The following SMG7 variants were observed in gnomAD, a reference collection of about 807,000 sequenced individuals.
The protein encoded by SMG7 is nonsense-mediated mRNA decay factor SMG7.
A neutral mutation model predicts 148.2 loss-of-function variants in SMG7; 34 were observed. The ratio of observed to expected loss-of-function variants is 0.23; its 90% confidence interval spans 0.17 to 0.31. The LOEUF is 0.31. SMG7 is among the 10% of genes least tolerant of loss of function. SMG7 has a pLI of 1.00. For missense variants in SMG7, 1,114 were observed against 1,408.4 expected, an observed-to-expected ratio of 0.79 and a Z score of 3.35; for synonymous variants, 492 against 515.1, an observed-to-expected ratio of 0.96 and a Z score of 0.61.
At chr1:183,517,112 C>G (rs1558007960) in intron 3 of SMG7, among the ~76,000 whole-genome samples, 1 of 152,134 alleles carries the variant, frequency 6.6e-6, no homozygotes, top group Non-Finnish European at 1.5e-5. Flanking sequence ...TTTGGTATGC[C>G]ATATTTCAGC....
intron 1 of SMG7, among the ~76,000 whole-genome samples, chr1:183,493,360 C>T (rs1223943517): frequency 2.0e-5 from 3 of 152,058 alleles, no homozygotes; most frequent in Admixed American, 1.3e-4. Flanking sequence ...ACAACTAATT[C>T]TAGTTGTTTA....
rs907228795 is a variant in SMG7, at chr1:183,487,797, A to T, written c.29+15148A>T. Among the ~76,000 whole-genome samples, 9 of 152,348 alleles carry T rather than the reference A, an allele frequency of 5.9e-5. 1 individual carries two copies. The highest frequency in any genetic ancestry group is 2.6e-4 in the Admixed American group (4 of 15,302). ...TTATGTGTCTGTACACTAGCTGCAAATGAAGCTGGTAAATATATAATGGGA... is the reference window on the plus strand; with the variant it reads ...TTATGTGTCTGTACACTAGCTGCAATTGAAGCTGGTAAATATATAATGGGA... On this transcript the variant is annotated intron_variant, in intron 1 of 22. Coordinates refer to ENST00000688051, the MANE Select transcript of SMG7 (RefSeq NM_001375584.1).
chr1:183,547,038 G>T, intron 17 of SMG7, 65 bp from the exon 18 acceptor site: 1 of 1,430,924 alleles, frequency 7.0e-7, no homozygotes. Flanking sequence ...ACCTAATTAT[G>T]CTACTATTCC....
intron 8 of SMG7, 30 bp from the exon 9 acceptor site, chr1:183,533,134 T>C (rs1273960266): frequency 1.9e-6 from 3 of 1,597,642 alleles, no homozygotes; most frequent in South Asian, 1.1e-5. Flanking sequence ...TTCTTGATAA[T>C]ATATGCAGTA....
intron 1 of SMG7, among the ~76,000 whole-genome samples, chr1:183,494,952 C>T (rs972723643): frequency 6.6e-6 from 1 of 151,308 alleles, no homozygotes; most frequent in Admixed American, 6.6e-5. Context: ...CCTCAGCCTC[C>T]CGAGCAGCTG....
intron 1 of SMG7, among the ~76,000 whole-genome samples, chr1:183,507,938 A>G (rs565177665): frequency 6.6e-6 from 1 of 152,248 alleles, no homozygotes; most frequent in African/African-American, 2.4e-5. Flanking sequence ...TAACTAAGAC[A>G]ATATATTTCG....
chr1:183,520,458 T>G (rs1189003345), intron 4 of SMG7, among the ~76,000 whole-genome samples: 2 of 152,220 alleles, frequency 1.3e-5, no homozygotes, highest in Non-Finnish European at 2.9e-5. Flanking sequence ...TTCTGGTTGC[T>G]TTCCATTTTT....
chr1:183,498,519 A>G (rs1659051993), intron 1 of SMG7, among the ~76,000 whole-genome samples: 1 of 152,362 alleles, frequency 6.6e-6, no homozygotes, highest in Non-Finnish European at 1.5e-5. Context: ...AACAAAAAAC[A>G]AAAAACACTG....
At chr1:183,500,934 A>G (rs564060712) in intron 1 of SMG7, among the ~76,000 whole-genome samples, 19 of 152,354 alleles carry the variant, frequency 1.2e-4, no homozygotes, top group African/African-American at 4.6e-4. Flanking sequence ...AGTGCGACTA[A>G]AGTCACAGGA....
At chr1:183,513,553 G>C (rs567397661) in intron 2 of SMG7, among the ~76,000 whole-genome samples, 2 of 151,908 alleles carry the variant, frequency 1.3e-5, no homozygotes, top group East Asian at 3.9e-4. Context: ...TGTATTTTTG[G>C]TAGAGATGGG....
chr1:183,545,409 C>G, intron 16 of SMG7, 97 bp downstream of exon 16: 1 of 1,369,688 alleles, frequency 7.3e-7, no homozygotes, highest in Non-Finnish European at 1.0e-6. Flanking sequence ...TGACATACTT[C>G]TTGCTTAGAT....
At position 183,552,737 on chromosome 1, in the gene SMG7, T is replaced by C; in HGVS notation, c.*806T>C. 7.4e-7 allele frequency: 1 copy of C among 1,349,090 alleles called. No individual in the cohort carries two copies. Among genetic ancestry groups the C allele is most frequent in the Non-Finnish European group, 9.5e-7 (1 of 1,049,964 alleles). 83.6% of individuals were successfully genotyped at this position (1,349,090 alleles called of 1,614,324 possible). A position where few individuals can be genotyped will look rare whatever the true frequency, so the allele number is the denominator to read the frequency against. ...GTAGGATTTCAAATTACGTTTTTGA[T>C]TCCTGTACATTTTACAGTCGCACAG... On this transcript the variant is annotated 3_prime_UTR_variant, in exon 23 of 23. Coordinates refer to ENST00000688051, the MANE Select transcript of SMG7 (RefSeq NM_001375584.1).
chr1:183,501,795 A>G (rs1296018255), intron 1 of SMG7, among the ~76,000 whole-genome samples: 1 of 152,168 alleles, frequency 6.6e-6, no homozygotes, highest in Admixed American at 6.5e-5. Context: ...GAATCGAAAA[A>G]CGTGACATTT....
Position 183,527,838 on chromosome 1 carries a change from A to G in SMG7, c.485-118A>G, listed in dbSNP as rs1487136191. ...TTTGTTTTAAAGTATTTTGTCTTTA[A>G]TTTTAAATTAACTTTAATGTCTTTA... On this transcript the variant is annotated intron_variant, in intron 5 of 22. Transcript: ENST00000688051. The surrounding 1 kb of genome is among the most constrained non-coding windows in gnomAD (Gnocchi z 4.0). The G allele has an allele frequency of 1.7e-5, 12 of 691,922 alleles. No individual in the cohort carries two copies. Among genetic ancestry groups the G allele is most frequent in the Non-Finnish European group, 3.0e-5 (12 of 395,798 alleles). The allele number at this position is 691,922 out of a possible 1,614,324, so 42.9% of individuals were successfully genotyped here.
Position 183,552,481 on chromosome 1 carries a change from C to G in SMG7, c.*550C>G, listed in dbSNP as rs1050058201. On this transcript the variant is annotated 3_prime_UTR_variant, in exon 23 of 23. Coordinates refer to ENST00000688051, the MANE Select transcript of SMG7 (RefSeq NM_001375584.1). ...TAGTCAGTGTGTAGCAAGGAAAGCCCCGTTCACTGCTCCTGTGAGAGGTTG... is the reference window on the plus strand; with the variant it reads ...TAGTCAGTGTGTAGCAAGGAAAGCCGCGTTCACTGCTCCTGTGAGAGGTTG... 2.0e-6 allele frequency: 2 copies of G among 995,430 alleles called. No homozygotes were observed. The highest frequency in any genetic ancestry group is 3.5e-5 in the African/African-American group (2 of 57,408). 61.7% of individuals were successfully genotyped at this position (995,430 alleles called of 1,614,324 possible).
chr1:183,541,245 A>T (rs1668793847), intron 13 of SMG7, 142 bp downstream of exon 13: 2 of 711,526 alleles, frequency 2.8e-6, no homozygotes, highest in African/African-American at 3.6e-5. Context: ...ATGAACTCTT[A>T]AATCGACATG....
intron 1 of SMG7, among the ~76,000 whole-genome samples, chr1:183,511,853 A>G (rs1662228494): frequency 6.6e-6 from 1 of 152,194 alleles, no homozygotes; most frequent in African/African-American, 2.4e-5. Flanking sequence ...AGTAGATAAC[A>G]TTTTTTGGAG....
At position 183,527,885 on chromosome 1, in the gene SMG7, A is replaced by C. The variant is rs955697910; in HGVS notation, c.485-71A>C. ...TTTATTATCTTTAGAACTTAAAACTATAGCTGTTTTGGAAATACTACCCTA... is the reference window on the plus strand; with the variant it reads ...TTTATTATCTTTAGAACTTAAAACTCTAGCTGTTTTGGAAATACTACCCTA... On this transcript the variant is annotated intron_variant, in intron 5 of 22. Coordinates refer to ENST00000688051, the MANE Select transcript of SMG7 (RefSeq NM_001375584.1). This position sits in a 1 kb window ranked among gnomAD's most constrained non-coding sequence, Gnocchi z 4.0. 1.0e-6 allele frequency: 1 copy of C among 966,594 alleles called. No homozygotes were observed. Among genetic ancestry groups the C allele is most frequent in the East Asian group, 2.5e-5 (1 of 40,168 alleles). The allele number at this position is 966,594 out of a possible 1,614,324, so 59.9% of individuals were successfully genotyped here. A position where few individuals can be genotyped will look rare whatever the true frequency, so the allele number is the denominator to read the frequency against.
At chr1:183,551,731 TGC>T in intron 22 of SMG7, 85 bp from the exon 23 acceptor site, 1 of 1,008,326 alleles carries the variant, frequency 9.9e-7, no homozygotes, top group East Asian at 2.8e-5. Context: ...GCCATATATA[TGC>T]CTTTATATTT....
Sources: allele counts gnomAD v4.1 joint callset (sites outside exome capture counted in the v4.1 genomes callset), GRCh38; gene constraint gnomAD v4.1.1; non-coding constraint Gnocchi (gnomAD v3.1); transcripts MANE v1.5; gene names NCBI Gene and HGNC (gene_info 2026-07-23, HGNC 2026-07-21).